The following GFRA3 variants were observed in gnomAD, a reference collection of about 807,000 sequenced individuals.
GFRA3 encodes the protein GDNF family receptor alpha 3.
A neutral mutation model predicts 40.0 loss-of-function variants in GFRA3; 24 were observed. The observed-to-expected ratio is 0.60, with a 90% CI of 0.43 to 0.84. The LOEUF (loss-of-function observed/expected upper bound fraction) is 0.84, where lower values mean the gene tolerates loss of function less well. Ranked by LOEUF, GFRA3 falls within the 40% of genes least tolerant of loss-of-function variation. GFRA3 has a pLI of 0.00. For missense variants in GFRA3, 405 were observed against 530.6 expected (o/e 0.76, Z 2.33); for synonymous variants, 203 against 213.5 (o/e 0.95, Z 0.43).
At chr5:138,260,401 C>A (rs1340747020) in intron 2 of GFRA3, among the ~76,000 whole-genome samples, 2 of 152,200 alleles carry the variant, frequency 1.3e-5, no homozygotes, top group African/African-American at 4.8e-5. Flanking sequence ...GCAAGAAATA[C>A]ATTTTTGTTG....
At chr5:138,268,406 A>G (rs1048854909) in intron 1 of GFRA3, among the ~76,000 whole-genome samples, 34 of 80,376 alleles carry the variant, frequency 4.2e-4, no homozygotes, top group African/African-American at 1.5e-3. Flanking sequence ...CCAAAAGCAA[A>G]TGCAAAAAAA....
In GFRA3 at chr5:138,252,946, A is replaced by G. The variant is rs774804279; in HGVS notation, c.*22T>C. 2.2e-6 allele frequency: 3 copies of G among 1,359,564 alleles called. No homozygotes were observed. The highest frequency in any genetic ancestry group is 2.3e-5 in the South Asian group (2 of 85,646). The allele number at this position is 1,359,564 out of a possible 1,614,324, so 84.2% of individuals were successfully genotyped here. On this transcript the variant is annotated 3_prime_UTR_variant, in exon 8 of 8. Coordinates refer to ENST00000274721, the MANE Select transcript of GFRA3 (RefSeq NM_001496.4). The stretch of plus-strand genomic sequence containing the variant: ...GTCCACCTGGGTGTGGTGGAGGGGA[A>G]GAGGGCCCTGGGGAAGTCCAGCTAC...
intron 1 of GFRA3, among the ~76,000 whole-genome samples, chr5:138,266,299 AAGG>A (rs1755781570): frequency 6.6e-6 from 1 of 152,146 alleles, no homozygotes; most frequent in South Asian, 2.1e-4. Flanking sequence ...AGCAATGTAC[AAGG>A]AGTCTAGTTT....
At chr5:138,273,010 T>C (rs1163810001) in intron 1 of GFRA3, among the ~76,000 whole-genome samples, 1 of 152,210 alleles carries the variant, frequency 6.6e-6, no homozygotes, top group African/African-American at 2.4e-5. Flanking sequence ...CATTTTATAG[T>C]TGGATGAACA....
chr5:138,267,623 G>A, intron 1 of GFRA3: 1 of 212,456 alleles, frequency 4.7e-6, no homozygotes, highest in Admixed American at 4.2e-5. Flanking sequence ...TTGCTTGCCA[G>A]CAAAGATCAG....
In GFRA3 at chr5:138,274,601, A is replaced by C; in HGVS notation, c.-177T>G. 93 of 1,155,366 alleles carry C rather than the reference A, an allele frequency of 8.0e-5. No homozygotes were observed. Among genetic ancestry groups the C allele is most frequent in the East Asian group, 3.2e-4 (8 of 25,108 alleles). 71.6% of individuals were successfully genotyped at this position (1,155,366 alleles called of 1,614,324 possible). A position where few individuals can be genotyped will look rare whatever the true frequency, so the allele number is the denominator to read the frequency against. On this transcript the variant is annotated 5_prime_UTR_variant, in exon 1 of 8. Coordinates refer to ENST00000274721, the MANE Select transcript of GFRA3 (RefSeq NM_001496.4). The stretch of plus-strand genomic sequence containing the variant: ...CAACTCCGAAGCGCGCGTCCACACC[A>C]CGCGCCTCCAGCGCTGGTCCGAGGG...
chr5:138,262,650 C>T (rs1016218780), intron 2 of GFRA3, among the ~76,000 whole-genome samples: 8 of 152,018 alleles, frequency 5.3e-5, no homozygotes, highest in Non-Finnish European at 8.8e-5. Flanking sequence ...GATGGGAGCT[C>T]GCTATGTTGT....
chr5:138,257,556 G>T, intron 4 of GFRA3, 83 bp downstream of exon 4: 1 of 1,243,406 alleles, frequency 8.0e-7, no homozygotes, highest in Non-Finnish European at 1.1e-6. Context: ...GGGAGGGTCA[G>T]ACCCTGCTCA....
In GFRA3 at chr5:138,264,249, TG is replaced by T; in HGVS notation, c.379+11del. The T allele has an allele frequency of 6.3e-7, 1 of 1,583,546 alleles. No homozygotes were observed. The highest frequency in any genetic ancestry group is 8.6e-7 in the Non-Finnish European group (1 of 1,158,734). ...TTCCCCAGCTTAGTCCACTCTATAA[TG>T]GGAGCCTCACCAAGGCTGCGGGCAC... is the stretch of plus-strand genomic sequence containing the variant. On this transcript the variant is annotated intron_variant, in intron 2 of 7. Transcript: ENST00000274721.
Position 138,253,383 on chromosome 5 carries a change from G to C in GFRA3, c.1025-8C>G. 1 of 1,551,042 alleles carries C rather than the reference G, an allele frequency of 6.4e-7. No homozygotes were observed. On this transcript the variant is annotated splice_region_variant and splice_polypyrimidine_tract_variant and intron_variant, in intron 6 of 7. Transcript: ENST00000274721. ...TAGCTGCAATGGCCTCCGCTGAAGA[G>C]AGGAGAGAAGGCTCATTGGAAGGGT...
chr5:138,262,165 T>C (rs1755719982), intron 2 of GFRA3, among the ~76,000 whole-genome samples: 1 of 152,190 alleles, frequency 6.6e-6, no homozygotes, highest in African/African-American at 2.4e-5. Flanking sequence ...CCAACATTTC[T>C]CAGGCAGGAA....
Position 138,263,665 on chromosome 5 carries a change from A to T in GFRA3, c.379+596T>A, listed in dbSNP as rs1247489954. Among the ~76,000 whole-genome samples the T allele has an allele frequency of 6.6e-5, 10 of 152,230 alleles. 1 individual carries two copies. Among genetic ancestry groups the T allele is most frequent in the Admixed American group, 5.2e-4 (8 of 15,288 alleles). Reference sequence around the variant, plus strand: ...CACCTTGAGCCTGGATCCCAGAATGAAGAAGGCCCATGAAAGAGCCAATAC... The same window carrying T: ...CACCTTGAGCCTGGATCCCAGAATGTAGAAGGCCCATGAAAGAGCCAATAC... On this transcript the variant is annotated intron_variant, in intron 2 of 7. Coordinates refer to ENST00000274721, the MANE Select transcript of GFRA3 (RefSeq NM_001496.4).
chr5:138,255,161 T>C (rs1755609966), intron 4 of GFRA3, among the ~76,000 whole-genome samples: 1 of 151,940 alleles, frequency 6.6e-6, no homozygotes, highest in Non-Finnish European at 1.5e-5. Context: ...ATTTACCTTA[T>C]TGGGGTTCTT....
chr5:138,256,139 G>C (rs572776154), intron 4 of GFRA3, among the ~76,000 whole-genome samples: 1 of 151,070 alleles, frequency 6.6e-6, no homozygotes, highest in Admixed American at 6.6e-5. Context: ...GCTGAGGGGG[G>C]AGTATCCCTT....
In GFRA3 at chr5:138,255,831, T is replaced by C. The variant is rs137978276; in HGVS notation, c.786-1671A>G. Among the ~76,000 whole-genome samples the C allele has an allele frequency of 3.7e-3, 540 of 144,406 alleles. 2 individuals are homozygous for C. The highest frequency in any genetic ancestry group is 0.013 in the African/African-American group (504 of 38,292). The allele number at this position is 144,406 out of a possible 152,430, so 94.7% of individuals were successfully genotyped here. A position where few individuals can be genotyped will look rare whatever the true frequency, so the allele number is the denominator to read the frequency against. On this transcript the variant is annotated intron_variant, in intron 4 of 7. Coordinates refer to ENST00000274721, the MANE Select transcript of GFRA3 (RefSeq NM_001496.4). Reference sequence around the variant, plus strand: ...TGGAGAATCGCTTGAACCCAGGAGATAGAGGTTGCAGTAAGCCGAGATCAC... The same window carrying C: ...TGGAGAATCGCTTGAACCCAGGAGACAGAGGTTGCAGTAAGCCGAGATCAC...
In GFRA3 at chr5:138,252,794, G is replaced by T. The variant is rs577113888; in HGVS notation, c.*174C>A. 68 of 518,640 alleles carry T rather than the reference G, an allele frequency of 1.3e-4. No individual in the cohort carries two copies. The highest frequency in any genetic ancestry group is 1.1e-3 in the African/African-American group (56 of 51,992). The allele number at this position is 518,640 out of a possible 1,614,324, so 32.1% of individuals were successfully genotyped here. ...AGCATGAATCAGAAGTGGAGATGGG[G>T]TGGAGGGAATGAGGACTGGACCAGT... On this transcript the variant is annotated 3_prime_UTR_variant, in exon 8 of 8. Transcript: ENST00000274721.
At chr5:138,269,364 C>T (rs1463327154) in intron 1 of GFRA3, among the ~76,000 whole-genome samples, 1 of 151,448 alleles carries the variant, frequency 6.6e-6, no homozygotes, top group African/African-American at 2.4e-5. Flanking sequence ...TGCAAAAGCC[C>T]GTCTCTACTA....
Position 138,254,125 on chromosome 5 carries a change from G to T in GFRA3, c.821C>A (p.Pro274His). 1 of 1,610,792 alleles carries T rather than the reference G, an allele frequency of 6.2e-7. No individual in the cohort carries two copies. The highest frequency in any genetic ancestry group is 8.5e-7 in the Non-Finnish European group (1 of 1,177,108). ...RLVDFQTHCH[P>H]MDILGTCATE... is the part of the protein sequence containing the mutation. ...TGCACAAGTTCCTAGGATGTCCATG[G>T]GATGGCAGTGGGTCTGGAAATCCAC... Residue 274 changes from proline to histidine, a missense_variant, in exon 5 of 8, where the codon CCC (proline) becomes CAC (histidine). Pro to His is a moderately conservative substitution (Grantham distance 77). Transcript: ENST00000274721.
At chr5:138,268,850 G>C (rs1308907969) in intron 1 of GFRA3, among the ~76,000 whole-genome samples, 2 of 151,268 alleles carry the variant, frequency 1.3e-5, no homozygotes, top group Non-Finnish European at 2.9e-5. Flanking sequence ...GTGTGAACCT[G>C]GGAGGCGGAG....
Sources: allele counts gnomAD v4.1 joint callset (sites outside exome capture counted in the v4.1 genomes callset), GRCh38; gene constraint gnomAD v4.1.1; transcripts MANE v1.5; gene names NCBI Gene and HGNC (gene_info 2026-07-23, HGNC 2026-07-21).